The following VPS33A variants were observed in gnomAD, a reference collection of about 807,000 sequenced individuals.
VPS33A encodes the protein VPS33A core subunit of CORVET and HOPS complexes, also known as vacuolar protein sorting-associated protein 33A.
A neutral mutation model predicts 71.8 loss-of-function variants in VPS33A; 32 were observed. The ratio of observed to expected loss-of-function variants is 0.45; its 90% CI spans 0.34 to 0.60. VPS33A has a LOEUF of 0.60. Among genes scored for constraint, VPS33A ranks in the 20% least tolerant of loss-of-function variants. VPS33A has a pLI of 0.02. For missense variants in VPS33A, 625 were observed against 748.5 expected, an observed-to-expected ratio of 0.84 and a Z score of 1.92; for synonymous variants, 311 against 292.7, an observed-to-expected ratio of 1.06 and a Z score of -0.64.
At chr12:122,241,274 T>TA (rs1447910092) in intron 8 of VPS33A, 3 of 152,170 alleles carry the variant, frequency 2.0e-5, no homozygotes, top group African/African-American at 7.2e-5. Context: ...AAATTTGAGT[T>TA]AAAAAATGGA....
At chr12:122,239,779 A>AAAT in intron 9 of VPS33A, 99 bp downstream of exon 9, 2 of 507,356 alleles carry the variant, frequency 3.9e-6, no homozygotes, top group Non-Finnish European at 6.8e-6. Context: ...AAAAAAAAAA[A>AAAT]GGCAAGGCAT....
At chr12:122,265,735 TGAA>T (rs1214732212) in intron 1 of VPS33A, 2 of 454,026 alleles carry the variant, frequency 4.4e-6, no homozygotes, top group African/African-American at 2.0e-5. Context: ...CCTAAGGGGA[TGAA>T]GGAGAGGTGA....
intron 4 of VPS33A, chr12:122,253,419 G>T: frequency 6.4e-6 from 1 of 155,972 alleles, no homozygotes; most frequent in Non-Finnish European, 1.4e-5. Context: ...CAGGTGTGGT[G>T]GCATGTGCCT....
At chr12:122,244,819 C>T (rs1159308412) in intron 6 of VPS33A, 57 bp from the exon 7 acceptor site, 7 of 1,529,590 alleles carry the variant, frequency 4.6e-6, no homozygotes, top group African/African-American at 1.4e-5. Flanking sequence ...AGAACCAATC[C>T]GGTAACCAAG....
chr12:122,234,795 G>A (rs984352674), intron 11 of VPS33A, among the ~76,000 whole-genome samples: 13 of 152,178 alleles, frequency 8.5e-5, no homozygotes, highest in African/African-American at 2.7e-4. Context: ...CGTTGTCACT[G>A]GCCAGCTTCC....
chr12:122,245,828 A>C (rs1482610563), intron 6 of VPS33A, among the ~76,000 whole-genome samples: 1 of 152,236 alleles, frequency 6.6e-6, no homozygotes, highest in Non-Finnish European at 1.5e-5. Context: ...CTTTCACATG[A>C]CAATGACAGA....
rs752569308 is a variant in VPS33A, at chr12:122,251,010, C to G, written c.573G>C (p.Gln191His). Residue 191 changes from glutamine (Q) to histidine (H), a missense_variant, in exon 5 of 13, where the codon CAG becomes CAC. By Grantham distance (24) the Gln-to-His change is conservative. Coordinates refer to ENST00000267199, the MANE Select transcript of VPS33A (RefSeq NM_022916.6). Reference protein sequence around the residue: ...TLQALYGTIPQIFGKGECARQ... With the variant: ...TLQALYGTIPHIFGKGECARQ... ...GAGCGCATTCTCCTTTCCCAAAGAT[C>G]TGGGGGATCGTTCCATACAGAGCTT... 5 of 1,613,968 alleles carry G rather than the reference C, an allele frequency of 3.1e-6. No homozygotes were observed. The Admixed American group carries it at 6.7e-5, about 22-fold the overall frequency.
chr12:122,242,952 T>TA (rs1263639582), intron 7 of VPS33A, among the ~76,000 whole-genome samples: 2 of 151,990 alleles, frequency 1.3e-5, no homozygotes, highest in Admixed American at 6.6e-5. Context: ...TTACATTACA[T>TA]AAAAAAAGAG....
At chr12:122,249,165 A>C (rs1267271173) in intron 6 of VPS33A, 1 of 152,176 alleles carries the variant, frequency 6.6e-6, no homozygotes, top group African/African-American at 2.4e-5. Flanking sequence ...ACAACCTCTA[A>C]TTGAAATAGG....
At chr12:122,263,349 C>A (rs892642214) in intron 3 of VPS33A, among the ~76,000 whole-genome samples, 4 of 152,134 alleles carry the variant, frequency 2.6e-5, no homozygotes, top group African/African-American at 9.7e-5. Context: ...CCCTGTTGTG[C>A]TATCAAATAG....
chr12:122,265,674 A>T (rs1288434502), intron 1 of VPS33A: 2 of 450,498 alleles, frequency 4.4e-6, no homozygotes, highest in Non-Finnish European at 9.0e-6. Flanking sequence ...GAGGCTCCCC[A>T]GTTCGACTTT....
At chr12:122,237,415 G>A (rs574153851) in intron 10 of VPS33A, among the ~76,000 whole-genome samples, 7 of 152,238 alleles carry the variant, frequency 4.6e-5, no homozygotes, top group Non-Finnish European at 1.0e-4. Context: ...ATAAAACTGG[G>A]ACGATAGCAG....
intron 4 of VPS33A, among the ~76,000 whole-genome samples, chr12:122,257,152 C>A (rs1487517052): frequency 2.6e-5 from 4 of 152,024 alleles, no homozygotes; most frequent in Non-Finnish European, 5.9e-5. Context: ...TCAGGCCAGG[C>A]ACAGTGGCTC....
chr12:122,266,321 A>C lies in VPS33A; in HGVS notation c.88T>G (p.Cys30Gly). Residue 30 changes from cysteine (C) to glycine (G), a missense_variant, in exon 1 of 13, where the codon TGC becomes GGC. Cys to Gly is a radical substitution (Grantham distance 159). Coordinates refer to ENST00000267199, the MANE Select transcript of VPS33A (RefSeq NM_022916.6). ...RRELREFLDK[C>G]AGSKAIVWDE... ...CCGCCCCTCACCTTGCTTCCTGCGCACTTGTCCAGGAACTCGCGCAGCTCG... is the reference window on the plus strand; with the variant it reads ...CCGCCCCTCACCTTGCTTCCTGCGCCCTTGTCCAGGAACTCGCGCAGCTCG... The C allele has an allele frequency of 6.2e-7, 1 of 1,612,292 alleles. No homozygotes were observed. The highest frequency in any genetic ancestry group is 8.5e-7 in the Non-Finnish European group (1 of 1,179,900).
chr12:122,248,316 C>G (rs1954802535), intron 6 of VPS33A: 1 of 152,322 alleles, frequency 6.6e-6, no homozygotes. Context: ...GGGAAGAAGG[C>G]CAGGCTGAGA....
At chr12:122,238,511 T>A in intron 10 of VPS33A, 76 bp downstream of exon 10, 1 of 1,514,632 alleles carries the variant, frequency 6.6e-7, no homozygotes. Flanking sequence ...CGTAAGCCAC[T>A]GTGCCCGGCC....
rs1338158934 is a variant in VPS33A at position 122,230,095 on chromosome 12, A to G, written c.*2151T>C. On this transcript the variant is annotated 3_prime_UTR_variant, in exon 13 of 13. Coordinates refer to ENST00000267199, the MANE Select transcript of VPS33A (RefSeq NM_022916.6). ...CCTGGGATATAACAAGTATTTAAAA[A>G]AGGATTTTCTACAATGAAAATGGTT... The G allele has an allele frequency of 6.6e-6, 1 of 152,250 alleles. No individual in the cohort carries two copies. Among genetic ancestry groups the G allele is most frequent in the Non-Finnish European group, 1.5e-5 (1 of 68,040 alleles). The allele number at this position is 152,250 out of a possible 1,614,324, so 9.4% of individuals were successfully genotyped here.
intron 7 of VPS33A, among the ~76,000 whole-genome samples, chr12:122,243,813 C>T (rs114180721): frequency 0.037 from 5,657 of 151,824 alleles, 350 homozygotes; most frequent in African/African-American, 0.13. Flanking sequence ...CCCAGCTACT[C>T]GGGAGGCTGA....
rs1397373288 is a variant in VPS33A at position 122,244,640 on chromosome 12, G to A, written c.898C>T (p.Arg300Ter). Residue 300 changes from arginine to a stop codon, truncating the protein, a stop_gained, in exon 7 of 13, where the codon CGA becomes TGA. Transcript: ENST00000267199. LOFTEE classifies it high-confidence loss of function. ...CCAACTGCGTTGAAGTTCTTATCTC[G>A]GATCTCAGCATAGAGCTCCTCTGCA... The part of the protein sequence containing the change: ...NSAEELYAEI[R>*]DKNFNAVGSV... The A allele has an allele frequency of 2.5e-6, 4 of 1,613,908 alleles. No homozygotes were observed. The highest frequency in any genetic ancestry group is 1.7e-6 in the Non-Finnish European group (2 of 1,179,958).
Sources: allele counts gnomAD v4.1 joint callset (sites outside exome capture counted in the v4.1 genomes callset), GRCh38; gene constraint gnomAD v4.1.1; transcripts MANE v1.5; gene names NCBI Gene and HGNC (gene_info 2026-07-23, HGNC 2026-07-21).